The following KDM4C variants were observed in gnomAD, a reference collection of about 807,000 sequenced individuals.
The protein encoded by KDM4C is lysine-specific demethylase 4C.
In KDM4C, 81 loss-of-function variants were observed where a neutral mutation model predicts 129.3. That is an observed-to-expected ratio of 0.63 (90% CI 0.52 to 0.75). The LOEUF is 0.75. KDM4C is among the 30% of genes least tolerant of loss of function. The probability of loss-of-function intolerance (pLI) is 0.00; values close to 1 mark genes in which losing one functional copy is unlikely to be tolerated. For missense variants in KDM4C, 1,457 were observed against 1,304.0 expected, an observed-to-expected ratio of 1.12 and a Z score of -1.81; for synonymous variants, 573 against 456.1, an observed-to-expected ratio of 1.26 and a Z score of -3.26.
chr9:6,761,656 C>T (rs2130444403), intron 1 of KDM4C, among the ~76,000 whole-genome samples: 1 of 152,266 alleles, frequency 6.6e-6, no homozygotes, highest in Admixed American at 6.5e-5. Context: ...CTTTATACTG[C>T]TCATGGTTAT....
chr9:7,122,265 A>ACACACACACACTCTCTCTCTCT (rs375655422), intron 18 of KDM4C, among the ~76,000 whole-genome samples: 12 of 144,820 alleles, frequency 8.3e-5, no homozygotes, highest in African/African-American at 3.1e-4. Context: ...ACACACACAC[A>ACACACACACACTCTCTCTCTCT]CTCTCTCTCT....
chr9:6,972,382 A>G (rs1474292970), intron 8 of KDM4C, among the ~76,000 whole-genome samples: 1 of 152,166 alleles, frequency 6.6e-6, no homozygotes, highest in East Asian at 1.9e-4. Context: ...TTTCTCCCAT[A>G]AAATCAGTTT....
intron 5 of KDM4C, among the ~76,000 whole-genome samples, chr9:6,877,264 C>A (rs991217685): frequency 2.0e-5 from 3 of 152,100 alleles, no homozygotes; most frequent in Non-Finnish European, 2.9e-5. Flanking sequence ...GCAGTGGCGC[C>A]ATCTCAGCTC....
At chr9:6,776,439 T>G (rs1431820823) in intron 1 of KDM4C, among the ~76,000 whole-genome samples, 1 of 151,972 alleles carries the variant, frequency 6.6e-6, no homozygotes, top group African/African-American at 2.4e-5. Flanking sequence ...TTTTTTGTAT[T>G]TTTAGTAGAG....
upstream of KDM4C, among the ~76,000 whole-genome samples, chr9:6,754,201 GTTTTC>G (rs1209366245): frequency 5.3e-5 from 8 of 150,836 alleles, no homozygotes; most frequent in South Asian, 1.3e-3. Flanking sequence ...TATTTGTTTT[GTTTTC>G]TTTTCTTTTT....
At chr9:6,757,480 G>A (rs1018702114), upstream of KDM4C, among the ~76,000 whole-genome samples, 1 of 152,252 alleles carries the variant, frequency 6.6e-6, no homozygotes, top group African/African-American at 2.4e-5. Context: ...CCCATTGTGG[G>A]AAGGAGGCTC....
intron 5 of KDM4C, among the ~76,000 whole-genome samples, chr9:6,859,427 A>G (rs891668110): frequency 9.7e-5 from 14 of 144,842 alleles, no homozygotes; most frequent in African/African-American, 3.4e-4. Flanking sequence ...GTGAGCTGAT[A>G]TCACGCCACT....
At chr9:7,034,909 C>T (rs1434744907) in intron 15 of KDM4C, among the ~76,000 whole-genome samples, 2 of 152,178 alleles carry the variant, frequency 1.3e-5, no homozygotes, top group African/African-American at 2.4e-5. Context: ...TTTTGATTTA[C>T]ATTTCCCTGG....
chr9:6,794,378 G>A (rs1276366089), intron 2 of KDM4C, among the ~76,000 whole-genome samples: 2 of 152,238 alleles, frequency 1.3e-5, no homozygotes, highest in Non-Finnish European at 2.9e-5. Flanking sequence ...GTACTTTGTG[G>A]CTGGGAGGAA....
At chr9:7,098,840 C>G (rs1425663116) in intron 17 of KDM4C, among the ~76,000 whole-genome samples, 12 of 152,198 alleles carry the variant, frequency 7.9e-5, no homozygotes, top group Admixed American at 7.8e-4. Flanking sequence ...CCAGTATTGA[C>G]ACATGAGTGA....
chr9:6,944,830 AT>A (rs1826651076), intron 8 of KDM4C, among the ~76,000 whole-genome samples: 1 of 151,944 alleles, frequency 6.6e-6, no homozygotes, highest in Non-Finnish European at 1.5e-5. Context: ...TGTGGGGGCA[AT>A]TGTATGATCT....
chr9:6,980,812 A>G, intron 8 of KDM4C, 113 bp from the exon 9 acceptor site: 1 of 850,954 alleles, frequency 1.2e-6, no homozygotes, highest in Non-Finnish European at 1.9e-6. Context: ...GTAATGCATT[A>G]TCCTCCATTA....
chr9:6,727,575 T>C (rs1192425018), intron 1 of KDM4C: 1 of 234,028 alleles, frequency 4.3e-6, no homozygotes, highest in East Asian at 1.8e-4. Flanking sequence ...GCTAACACGG[T>C]GAAACTCAGT....
chr9:7,102,283 T>C (rs1306761698), intron 17 of KDM4C, among the ~76,000 whole-genome samples: 1 of 150,968 alleles, frequency 6.6e-6, no homozygotes, highest in African/African-American at 2.4e-5. Flanking sequence ...TTTTACAAAC[T>C]TGGCTCTTGC....
At chr9:6,829,333 G>A (rs2131300197) in intron 4 of KDM4C, among the ~76,000 whole-genome samples, 1 of 152,342 alleles carries the variant, frequency 6.6e-6, no homozygotes, top group East Asian at 1.9e-4. Context: ...GTGAGTTCTG[G>A]ATGATTGGCA....
At chr9:6,770,944 T>G (rs947078140) in intron 1 of KDM4C, among the ~76,000 whole-genome samples, 1 of 151,736 alleles carries the variant, frequency 6.6e-6, no homozygotes, top group African/African-American at 2.4e-5. Flanking sequence ...CCCAGCTAAT[T>G]TTTGTATTTT....
intron 1 of KDM4C, among the ~76,000 whole-genome samples, chr9:6,730,868 T>C (rs969761245): frequency 2.0e-5 from 3 of 152,182 alleles, no homozygotes; most frequent in African/African-American, 4.8e-5. Context: ...GGTTGAAGTA[T>C]GGCTGCTGGG....
At chr9:6,864,363 G>C (rs191953236) in intron 5 of KDM4C, among the ~76,000 whole-genome samples, 11 of 152,322 alleles carry the variant, frequency 7.2e-5, no homozygotes, top group Admixed American at 7.2e-4. Context: ...TGAGAGATCT[G>C]TTGCCAGGCC....
chr9:6,799,829 C>T (rs1362466042), intron 2 of KDM4C, among the ~76,000 whole-genome samples: 8 of 151,728 alleles, frequency 5.3e-5, no homozygotes, highest in Admixed American at 3.9e-4. Flanking sequence ...AGTGCCCCTC[C>T]CCTTTCAATA....
Sources: allele counts gnomAD v4.1 joint callset (sites outside exome capture counted in the v4.1 genomes callset), GRCh38; gene constraint gnomAD v4.1.1; transcripts MANE v1.5; gene names NCBI Gene and HGNC (gene_info 2026-07-23, HGNC 2026-07-21).